FHIT: variants seen among roughly 807,000 people sequenced by gnomAD.
The protein encoded by FHIT is bis(5'-adenosyl)-triphosphatase.
In FHIT, 19 loss-of-function variants were observed where a neutral mutation model predicts 17.9. That is an observed-to-expected ratio of 1.06 (90% CI 0.74 to 1.56). FHIT has a LOEUF of 1.56. Among genes scored for constraint, FHIT ranks in the 40% most tolerant of loss-of-function variants. The pLI is 0.00. For missense variants in FHIT, 248 were observed against 189.2 expected (o/e 1.31, Z -1.82); for synonymous variants, 81 against 69.7 (o/e 1.16, Z -0.81).
rs75561882 is a variant in FHIT, at chr3:60,335,463, A to G, written c.103+201397T>C. 3.4e-3 allele frequency among the ~76,000 whole-genome samples: 524 copies of G among 152,314 alleles called. 6 individuals are homozygous for G. Among genetic ancestry groups the G allele is most frequent in the African/African-American group, 0.012 (505 of 41,570 alleles). Reference sequence around the variant, plus strand: ...TCTGCTTGGCATTTGATAGTTCATCATTTACATGGGCAAACAACCCACATA... The same window carrying G: ...TCTGCTTGGCATTTGATAGTTCATCGTTTACATGGGCAAACAACCCACATA... On this transcript the variant is annotated intron_variant, in intron 5 of 9. Transcript: ENST00000492590.
chr3:60,991,252 C>A (rs917221311), intron 3 of FHIT, among the ~76,000 whole-genome samples: 1 of 152,120 alleles, frequency 6.6e-6, no homozygotes, highest in African/African-American at 2.4e-5. Flanking sequence ...GGGGACAAGC[C>A]GGGCTTGTTC....
intron 5 of FHIT, among the ~76,000 whole-genome samples, chr3:60,134,841 A>G (rs1415995895): frequency 6.6e-6 from 1 of 152,174 alleles, no homozygotes. Context: ...CTGTGGTGTC[A>G]AGCTGTGGTA....
At chr3:59,752,960 G>C (rs1701002081) in intron 8 of FHIT, among the ~76,000 whole-genome samples, 1 of 152,108 alleles carries the variant, frequency 6.6e-6, no homozygotes, top group South Asian at 2.1e-4. Flanking sequence ...TGAAGTGGGG[G>C]AATGGGGAGC....
intron 3 of FHIT, among the ~76,000 whole-genome samples, chr3:60,911,196 A>G (rs1553765777): frequency 6.6e-6 from 1 of 152,222 alleles, no homozygotes; most frequent in African/African-American, 2.4e-5. Flanking sequence ...CATTTTTCAA[A>G]TATATTTTTC....
At chr3:60,965,757 A>G (rs550897334) in intron 3 of FHIT, among the ~76,000 whole-genome samples, 8 of 152,318 alleles carry the variant, frequency 5.3e-5, no homozygotes, top group Non-Finnish European at 1.0e-4. Flanking sequence ...AACAGCAAAT[A>G]TTGCAGAATG....
chr3:60,383,398 C>A (rs1700885229), intron 5 of FHIT, among the ~76,000 whole-genome samples: 2 of 152,054 alleles, frequency 1.3e-5, no homozygotes, highest in South Asian at 2.1e-4. Context: ...GCTCCCCCAA[C>A]CCCCACCCAG....
At chr3:59,833,956 G>T (rs1051306251) in intron 8 of FHIT, among the ~76,000 whole-genome samples, 5 of 152,160 alleles carry the variant, frequency 3.3e-5, no homozygotes, top group African/African-American at 4.8e-5. Context: ...ATGACTATAA[G>T]TTTCCTGAGG....
chr3:60,394,668 C>A (rs924158204), intron 5 of FHIT, among the ~76,000 whole-genome samples: 6 of 152,080 alleles, frequency 3.9e-5, no homozygotes, highest in Non-Finnish European at 7.4e-5. Context: ...AATACTAGTA[C>A]CTACATTAAA....
chr3:60,845,659 C>T (rs1702902594), intron 3 of FHIT, among the ~76,000 whole-genome samples: 1 of 152,146 alleles, frequency 6.6e-6, no homozygotes, highest in African/African-American at 2.4e-5. Flanking sequence ...AATTCTGATG[C>T]TGATTATTTC....
intron 8 of FHIT, among the ~76,000 whole-genome samples, chr3:59,752,699 G>T (rs1700984858): frequency 2.0e-5 from 3 of 151,998 alleles, no homozygotes; most frequent in Admixed American, 2.0e-4. Context: ...GAGTTATTGG[G>T]GGACCTTATT....
chr3:60,148,604 T>A (rs914784383), intron 5 of FHIT, among the ~76,000 whole-genome samples: 9 of 152,124 alleles, frequency 5.9e-5, no homozygotes, highest in Admixed American at 2.0e-4. Context: ...AAGGAGGCCA[T>A]CAGACATGGG....
At chr3:60,598,287 G>T (rs782671651) in intron 4 of FHIT, among the ~76,000 whole-genome samples, 1 of 152,106 alleles carries the variant, frequency 6.6e-6, no homozygotes, top group African/African-American at 2.4e-5. Flanking sequence ...AGCAGGAAAG[G>T]TAGCGATCAA....
chr3:60,665,148 A>T (rs2040352311), intron 4 of FHIT, among the ~76,000 whole-genome samples: 2 of 151,930 alleles, frequency 1.3e-5, no homozygotes. Context: ...TTTGTTATGG[A>T]TAACACATTC....
In FHIT at chr3:60,391,073, AGCTTCT is replaced by A. The variant is rs532011620; in HGVS notation, c.103+145781_103+145786del. On this transcript the variant is annotated intron_variant, in intron 5 of 9. Transcript: ENST00000492590. ...TGTGGTGGGACATGCCTGTGGTCCC[AGCTTCT>A]CATGAGGCTGAAGGACGAGAATTGC... Among the ~76,000 whole-genome samples the A allele has an allele frequency of 3.6e-3, 543 of 152,244 alleles. 3 individuals are homozygous for A. Among genetic ancestry groups the A allele is most frequent in the African/African-American group, 0.012 (506 of 41,550 alleles).
chr3:59,804,956 G>C (rs1700138842), intron 8 of FHIT, among the ~76,000 whole-genome samples: 1 of 152,130 alleles, frequency 6.6e-6, no homozygotes, highest in African/African-American at 2.4e-5. Flanking sequence ...GTACTTACTT[G>C]GTATTGGAGT....
At chr3:61,175,380 G>C (rs574862741) in intron 2 of FHIT, among the ~76,000 whole-genome samples, 6 of 151,994 alleles carry the variant, frequency 3.9e-5, no homozygotes, top group African/African-American at 1.5e-4. Flanking sequence ...ATGCCAGCTT[G>C]ACCACCTCCC....
chr3:60,671,795 C>T (rs1259054545), intron 4 of FHIT, among the ~76,000 whole-genome samples: 1 of 137,216 alleles, frequency 7.3e-6, no homozygotes, highest in Non-Finnish European at 1.6e-5. Flanking sequence ...AAAAAAAACA[C>T]AAAAATTAGC....
intron 4 of FHIT, among the ~76,000 whole-genome samples, chr3:60,644,524 A>G (rs181137758): frequency 2.0e-5 from 3 of 152,384 alleles, no homozygotes; most frequent in African/African-American, 7.2e-5. Flanking sequence ...AGAAATAAGC[A>G]TACAAATACA....
At chr3:60,586,802 T>C (rs62249089) in intron 4 of FHIT, among the ~76,000 whole-genome samples, 6,522 of 152,034 alleles carry the variant, frequency 0.043, 206 homozygotes, top group Non-Finnish European at 0.06. Flanking sequence ...TGAAAACTCA[T>C]GGATACAAAG....
Sources: allele counts gnomAD v4.1 joint callset (sites outside exome capture counted in the v4.1 genomes callset), GRCh38; gene constraint gnomAD v4.1.1; transcripts MANE v1.5; gene names NCBI Gene and HGNC (gene_info 2026-07-23, HGNC 2026-07-21).